CTNNA1: variants seen among roughly 807,000 people sequenced by gnomAD.
The protein encoded by CTNNA1 is catenin alpha-1.
A neutral mutation model predicts 98.4 loss-of-function variants in CTNNA1; 37 were observed. That is an observed-to-expected ratio of 0.38 (90% CI 0.29 to 0.49). The LOEUF (loss-of-function observed/expected upper bound fraction) is 0.49, where lower values mean the gene tolerates loss of function less well. Ranked by LOEUF, CTNNA1 falls within the 20% of genes least tolerant of loss-of-function variation. CTNNA1 has a pLI of 0.95. For synonymous variants in CTNNA1, 404 were observed against 413.2 expected (o/e 0.98, Z 0.27); for missense variants, 761 against 1,147.2 (o/e 0.66, Z 4.86).
At chr5:138,932,857 C>T (rs2150351245) in intron 17 of CTNNA1, 145 bp downstream of exon 17, 2 of 1,020,472 alleles carry the variant, frequency 2.0e-6, no homozygotes, top group East Asian at 2.4e-5. Context: ...TCTCTGGAGA[C>T]CAAGGTCTGT....
intron 7 of CTNNA1, among the ~76,000 whole-genome samples, chr5:138,833,331 G>T (rs539782685): frequency 6.6e-6 from 1 of 152,318 alleles, no homozygotes; most frequent in African/African-American, 2.4e-5. Flanking sequence ...CTGCTATTCA[G>T]TGTGGTAGCC....
rs770258740 is a variant in CTNNA1, at chr5:138,873,295, C to T, written c.1063-12917C>T. The T allele has an allele frequency of 1.1e-5, 18 of 1,614,032 alleles. No individual in the cohort carries two copies. The East Asian group carries it at 4.0e-4, about 36-fold the overall frequency. On this transcript the variant is annotated intron_variant, in intron 7 of 17. Coordinates refer to ENST00000302763, the MANE Select transcript of CTNNA1 (RefSeq NM_001903.5). This position sits in a 1 kb window ranked among gnomAD's most constrained non-coding sequence, Gnocchi z 6.1. ...ATAAAGCCATTGTTCCCGTAATTAC[C>T]CGCTGAGTGAAGATGGCATTGTCTG... is the stretch of plus-strand genomic sequence containing the variant.
chr5:138,802,980 TA>T (rs1326213250), intron 3 of CTNNA1, among the ~76,000 whole-genome samples: 14 of 138,402 alleles, frequency 1.0e-4, no homozygotes, highest in Non-Finnish European at 1.4e-4. Context: ...TTTTTTTTTT[TA>T]AATAGAGACA....
chr5:138,755,901 C>T (rs1751594161), intron 1 of CTNNA1, among the ~76,000 whole-genome samples: 1 of 118,498 alleles, frequency 8.4e-6, no homozygotes, highest in East Asian at 2.7e-4. Context: ...CCCTGTGTTG[C>T]CCAGGCTGGG....
intron 1 of CTNNA1, among the ~76,000 whole-genome samples, chr5:138,770,143 A>G (rs1753380099): frequency 6.6e-6 from 1 of 152,180 alleles, no homozygotes; most frequent in African/African-American, 2.4e-5. Flanking sequence ...TGATACTTTT[A>G]TTTTTTAAAA....
chr5:138,880,677 A>G (rs557413781), intron 7 of CTNNA1: 2 of 178,490 alleles, frequency 1.1e-5, no homozygotes, highest in Admixed American at 5.7e-5. Flanking sequence ...TCTTACCTAC[A>G]TAGATGGCCC....
rs1475446717 is a variant in CTNNA1 at position 138,783,508 on chromosome 5, G to A, written c.301+136G>A. 7.2e-5 allele frequency: 50 copies of A among 695,786 alleles called. 1 individual carries two copies. In the South Asian group the frequency reaches 1.0e-3, roughly 14 times the overall value. The allele number at this position is 695,786 out of a possible 1,614,324, so 43.1% of individuals were successfully genotyped here. On this transcript the variant is annotated intron_variant, in intron 3 of 17. Transcript: ENST00000302763. ...AGTAACTTACTTAGTTATTGGAGATGTATTAAGTTGGACTGGCTCATATTT... is the reference window on the plus strand; with the variant it reads ...AGTAACTTACTTAGTTATTGGAGATATATTAAGTTGGACTGGCTCATATTT...
At chr5:138,823,531 T>G (rs979647432) in intron 5 of CTNNA1, among the ~76,000 whole-genome samples, 1 of 152,056 alleles carries the variant, frequency 6.6e-6, no homozygotes, top group Non-Finnish European at 1.5e-5. Flanking sequence ...CCTAAAGTGG[T>G]TTTTGGGGTG....
At chr5:138,778,293 T>G (rs1277231506) in intron 1 of CTNNA1, among the ~76,000 whole-genome samples, 1 of 152,150 alleles carries the variant, frequency 6.6e-6, no homozygotes, top group Admixed American at 6.5e-5. Context: ...CGCGCCCGGC[T>G]GCTTTGACAT....
At chr5:138,918,629 AT>A (rs1467154441) in intron 11 of CTNNA1, among the ~76,000 whole-genome samples, 2 of 152,254 alleles carry the variant, frequency 1.3e-5, no homozygotes, top group East Asian at 3.8e-4. Flanking sequence ...CATATAGAAA[AT>A]ATCTGTCAAA....
At chr5:138,764,427 C>A (rs1357015537) in intron 1 of CTNNA1, among the ~76,000 whole-genome samples, 3 of 151,854 alleles carry the variant, frequency 2.0e-5, no homozygotes, top group Non-Finnish European at 2.9e-5. Flanking sequence ...TGAGTTTGAT[C>A]CCTTGGGAGG....
chr5:138,904,283 GGT>G, intron 9 of CTNNA1, 64 bp from the exon 10 acceptor site: 1 of 1,539,942 alleles, frequency 6.5e-7, no homozygotes, highest in Non-Finnish European at 8.8e-7. Context: ...GGTAGGGCCA[GGT>G]GTGTGTTTTT....
chr5:138,800,067 T>A (rs1219021212), intron 3 of CTNNA1, among the ~76,000 whole-genome samples: 1 of 152,112 alleles, frequency 6.6e-6, no homozygotes, highest in Non-Finnish European at 1.5e-5. Flanking sequence ...CAGCTAAATT[T>A]AGTATTTTTA....
At chr5:138,799,050 G>A (rs2149699379) in intron 3 of CTNNA1, among the ~76,000 whole-genome samples, 1 of 152,070 alleles carries the variant, frequency 6.6e-6, no homozygotes, top group African/African-American at 2.4e-5. Context: ...CACTGTGCCT[G>A]GCTAATTTTT....
At chr5:138,765,057 T>C (rs1752779089) in intron 1 of CTNNA1, among the ~76,000 whole-genome samples, 1 of 151,826 alleles carries the variant, frequency 6.6e-6, no homozygotes, top group Non-Finnish European at 1.5e-5. Context: ...TTTTGTTTTT[T>C]TGAGACGGAG....
At chr5:138,775,320 C>T (rs1042251045) in intron 1 of CTNNA1, among the ~76,000 whole-genome samples, 2 of 152,190 alleles carry the variant, frequency 1.3e-5, no homozygotes, top group East Asian at 3.8e-4. Flanking sequence ...CATTCCATTT[C>T]CTAAGGTTCA....
intron 10 of CTNNA1, among the ~76,000 whole-genome samples, chr5:138,917,383 A>G (rs577510403): frequency 2.4e-4 from 37 of 152,312 alleles, no homozygotes; most frequent in South Asian, 1.0e-3. Context: ...TAAAGTAAGA[A>G]TCAGTATAGT....
chr5:138,909,432 C>T (rs1387492616), intron 10 of CTNNA1, among the ~76,000 whole-genome samples: 2 of 148,208 alleles, frequency 1.3e-5, no homozygotes, highest in Non-Finnish European at 3.0e-5. Flanking sequence ...CATCATGAAT[C>T]ACTGCAGCCT....
chr5:138,799,624 C>G (rs907940888), intron 3 of CTNNA1, among the ~76,000 whole-genome samples: 1 of 147,002 alleles, frequency 6.8e-6, no homozygotes, highest in African/African-American at 2.6e-5. Context: ...GTCTTAGTGT[C>G]ATTTTTTTTT....
Sources: allele counts gnomAD v4.1 joint callset (sites outside exome capture counted in the v4.1 genomes callset), GRCh38; gene constraint gnomAD v4.1.1; non-coding constraint Gnocchi (gnomAD v3.1); transcripts MANE v1.5; gene names NCBI Gene and HGNC (gene_info 2026-07-23, HGNC 2026-07-21).